Variants in SPANXN3 observed in about 807,000 individuals in gnomAD.
SPANXN3 encodes SPANX family member N3, also known as sperm protein associated with the nucleus on the X chromosome N3.
A neutral mutation model predicts 1.9 loss-of-function variants in SPANXN3; 1 was observed. The observed-to-expected ratio is 0.54, with a 90% confidence interval of 0.19 to 2.54. SPANXN3 has a LOEUF of 2.54. Among genes scored for constraint, SPANXN3 ranks in the 30% most tolerant of loss-of-function variants. SPANXN3 has a pLI of 0.24. For synonymous variants in SPANXN3, 47 were observed against 40.0 expected (o/e 1.17, Z -0.66); for missense variants, 113 against 96.2 (o/e 1.17, Z -0.73).
chrX:143,516,934 G>A (rs150508318), intron 1 of SPANXN3: 4,451 of 154,992 alleles, frequency 0.029, 73 homozygotes, highest in Middle Eastern at 0.048. Flanking sequence ...TTCCACGGGG[G>A]TTCGGGCCAT....
intron 1 of SPANXN3, among the ~76,000 whole-genome samples, chrX:143,515,474 C>G (rs781847955): frequency 2.7e-5 from 3 of 111,471 alleles, no homozygotes; most frequent in Admixed American, 1.9e-4. Flanking sequence ...TTCCCCATGT[C>G]CCTGAATAGT....
At chrX:143,511,867 A>G (rs1246437637) in intron 1 of SPANXN3, among the ~76,000 whole-genome samples, 1 of 110,326 alleles carries the variant, frequency 9.1e-6, no homozygotes, top group East Asian at 2.9e-4. Flanking sequence ...AGAGTCCACC[A>G]CCCCTACTGC....
chrX:143,509,020 T>C lies in SPANXN3; in HGVS notation c.221A>G (p.Gln74Arg), dbSNP rs782675105. The C allele has an allele frequency of 9.9e-6, 12 of 1,210,500 alleles. No individual in the cohort carries two copies. The highest frequency in any genetic ancestry group is 7.0e-5 in the South Asian group (4 of 56,831). The change falls in exon 2 of 2, where the codon CAA becomes CGA. Residue 74 changes from glutamine to arginine, a missense_variant. Transcript: ENST00000370503. Reference protein sequence around the residue: ...NSNQLENEQSQENSINPIQKE... With the variant: ...NSNQLENEQSRENSINPIQKE... The stretch of plus-strand genomic sequence containing the variant: ...TTGGATTGGATTGATGGAGTTCTCT[T>C]GGGACTGTTCATTCTCCAGTTGATT...
At chrX:143,513,013 C>G (rs1929129431) in intron 1 of SPANXN3, among the ~76,000 whole-genome samples, 1 of 111,919 alleles carries the variant, frequency 8.9e-6, no homozygotes, top group South Asian at 3.7e-4. Context: ...TGGGTTTGTC[C>G]TAACCCCTAA....
At chrX:143,514,381 C>G (rs1272261282) in intron 1 of SPANXN3, among the ~76,000 whole-genome samples, 2 of 112,233 alleles carry the variant, frequency 1.8e-5, no homozygotes, top group African/African-American at 6.5e-5. Context: ...TGCCCCTACT[C>G]CAGCTTTTAG....
At chrX:143,515,510 A>G (rs1412269609) in intron 1 of SPANXN3, among the ~76,000 whole-genome samples, 2 of 111,248 alleles carry the variant, frequency 1.8e-5, no homozygotes, top group Non-Finnish European at 3.8e-5. Flanking sequence ...ATACTAATCC[A>G]GGAGGTATGA....
chrX:143,509,244 G>A (rs782325180), intron 1 of SPANXN3, 82 bp from the exon 2 acceptor site: 121 of 792,143 alleles, frequency 1.5e-4, no homozygotes, highest in South Asian at 7.5e-4. Flanking sequence ...GGGGCTTTAT[G>A]AGAAGGAATG....
Position 143,517,464 on chromosome X carries a change from T to C in SPANXN3, c.-73A>G. On this transcript the variant is annotated 5_prime_UTR_variant, in exon 1 of 2. Coordinates refer to ENST00000370503, the MANE Select transcript of SPANXN3 (RefSeq NM_001009609.4). ...AGACTTCCACAGCTATGTTGAAGCT[T>C]CCCAGTGGGATGTCCCAGAGCTCTT... is the stretch of plus-strand genomic sequence containing the variant. The C allele has an allele frequency of 5.5e-6, 6 of 1,098,681 alleles. No individual in the cohort carries two copies. The African/African-American group carries it at 1.1e-4, about 20-fold the overall frequency. 90.5% of individuals were successfully genotyped at this position (1,098,681 alleles called of 1,213,427 possible). A position where few individuals can be genotyped will look rare whatever the true frequency, so the allele number is the denominator to read the frequency against.
chrX:143,514,315 A>G (rs1428757789), intron 1 of SPANXN3, among the ~76,000 whole-genome samples: 1 of 112,667 alleles, frequency 8.9e-6, no homozygotes, highest in Non-Finnish European at 1.9e-5. Flanking sequence ...GTCTTGTCCA[A>G]GTTTAAAAAA....
chrX:143,509,165 G>A lies in SPANXN3; in HGVS notation c.79-3C>T. On this transcript the variant is annotated splice_polypyrimidine_tract_variant and splice_region_variant and intron_variant, in intron 1 of 1. Coordinates refer to ENST00000370503, the MANE Select transcript of SPANXN3 (RefSeq NM_001009609.4). ...ACTCTGTTTGGTACCTCTTGCATCT[G>A]GTAAGAAAATAGGGAGAGGCCAGAA... The A allele has an allele frequency of 8.4e-7, 1 of 1,196,285 alleles. No individual in the cohort carries two copies. The highest frequency in any genetic ancestry group is 1.7e-5 in the African/African-American group (1 of 57,333).
In SPANXN3 at chrX:143,508,891, G is replaced by A. The variant is rs781802757; in HGVS notation, c.350C>T (p.Ser117Leu). ...GPSKEDKDLD[S>L]SEGSSQEDED... is the part of the protein sequence containing the mutation. ...ATCCTCCTGTGAGGATCCTTCAGAT[G>A]AGTCTAGATCTTTGTCCTCCTTTGA... The change falls in exon 2 of 2, where the codon TCA (serine) becomes TTA (leucine). Residue 117 changes from serine (S) to leucine (L), a missense_variant. Physicochemically the swap from Ser to Leu is moderately radical, Grantham distance 145. Transcript: ENST00000370503. 1.7e-6 allele frequency: 2 copies of A among 1,211,642 alleles called. No homozygotes were observed.
rs374160455 is a variant in SPANXN3, at chrX:143,509,091, T to C, written c.150A>G (p.Pro50=). 18 of 1,210,268 alleles carry C rather than the reference T, an allele frequency of 1.5e-5. No individual in the cohort carries two copies. Among genetic ancestry groups the C allele is most frequent in the Non-Finnish European group, 1.9e-5 (17 of 895,258 alleles). The change falls in exon 2 of 2, where the codon CCA becomes CCG. Residue 50 remains proline, a synonymous_variant. Transcript: ENST00000370503. ...TCCTGAGGTAATACACAAATATTATTGGATATTCTGATGTTTTTGTGTTCT... is the reference window on the plus strand; with the variant it reads ...TCCTGAGGTAATACACAAATATTATCGGATATTCTGATGTTTTTGTGTTCT... ...SLKNTKTSEY[P]IIFVYYLRKG...
chrX:143,508,811 G>C lies in SPANXN3; in HGVS notation c.*4C>G, dbSNP rs782772696. The C allele has an allele frequency of 8.4e-7, 1 of 1,196,544 alleles. No homozygotes were observed. Among genetic ancestry groups the C allele is most frequent in the South Asian group, 1.8e-5 (1 of 55,563 alleles). Reference sequence around the variant, plus strand: ...TTTGTCCAATTTGGTTTCTCCATGTGTGACTAATCCTCCCCACTGTCCTGT... The same window carrying C: ...TTTGTCCAATTTGGTTTCTCCATGTCTGACTAATCCTCCCCACTGTCCTGT... On this transcript the variant is annotated 3_prime_UTR_variant, in exon 2 of 2. Coordinates refer to ENST00000370503, the MANE Select transcript of SPANXN3 (RefSeq NM_001009609.4).
rs2124261903 is a variant in SPANXN3, at chrX:143,517,398, G to C, written c.-7C>G. 1.7e-6 allele frequency: 2 copies of C among 1,210,682 alleles called. No homozygotes were observed. The highest frequency in any genetic ancestry group is 5.9e-5 in the East Asian group (2 of 33,805). ...TGGAAGTTGGCTGTTCCATGATTCT[G>C]GTTGGTTGTAGAATGTCTATAGTAG... is the stretch of plus-strand genomic sequence containing the variant. On this transcript the variant is annotated 5_prime_UTR_variant, in exon 1 of 2. Transcript: ENST00000370503.
chrX:143,517,465 C>T lies in SPANXN3; in HGVS notation c.-74G>A. The T allele has an allele frequency of 2.8e-6, 3 of 1,088,363 alleles. No individual in the cohort carries two copies. Among genetic ancestry groups the T allele is most frequent in the African/African-American group, 1.8e-5 (1 of 55,114 alleles). 89.7% of individuals were successfully genotyped at this position (1,088,363 alleles called of 1,213,427 possible). A position where few individuals can be genotyped will look rare whatever the true frequency, so the allele number is the denominator to read the frequency against. ...GACTTCCACAGCTATGTTGAAGCTTCCCAGTGGGATGTCCCAGAGCTCTTG... is the reference window on the plus strand; with the variant it reads ...GACTTCCACAGCTATGTTGAAGCTTTCCAGTGGGATGTCCCAGAGCTCTTG... On this transcript the variant is annotated 5_prime_UTR_variant, in exon 1 of 2. Coordinates refer to ENST00000370503, the MANE Select transcript of SPANXN3 (RefSeq NM_001009609.4).
At chrX:143,512,354 A>G (rs781965813) in intron 1 of SPANXN3, among the ~76,000 whole-genome samples, 2 of 110,905 alleles carry the variant, frequency 1.8e-5, no homozygotes, top group African/African-American at 6.6e-5. Context: ...AAACTCCTCC[A>G]TTTTCTTTTT....
chrX:143,509,275 T>A (rs1298088018), intron 1 of SPANXN3, 113 bp from the exon 2 acceptor site: 25 of 606,127 alleles, frequency 4.1e-5, no homozygotes, highest in African/African-American at 4.1e-4. Flanking sequence ...AAGGGGTGTG[T>A]GCCAGAGAAG....
intron 1 of SPANXN3, among the ~76,000 whole-genome samples, chrX:143,514,706 C>T (rs149905209): frequency 0.098 from 10,929 of 111,014 alleles, 464 homozygotes; most frequent in African/African-American, 0.16. Context: ...TTTAAACTCC[C>T]CTCTTGCATC....
At chrX:143,513,819 GCTAT>G (rs1929152864) in intron 1 of SPANXN3, among the ~76,000 whole-genome samples, 1 of 111,848 alleles carries the variant, frequency 8.9e-6, no homozygotes, top group African/African-American at 3.3e-5. Flanking sequence ...CCAGCAGCTG[GCTAT>G]TCCATCATTG....
Sources: gnomAD v4.1 joint callset for allele counts (sites outside exome capture counted in the v4.1 genomes callset) on GRCh38, gnomAD v4.1.1 for gene constraint, MANE v1.5 for transcripts, NCBI Gene and HGNC (gene_info 2026-07-23, HGNC 2026-07-21) for gene names.